The following LRBA variants were observed in gnomAD, a reference collection of about 807,000 sequenced individuals.
LRBA encodes LPS responsive beige-like anchor protein.
Under a neutral mutation model 330.0 loss-of-function variants are expected in LRBA, and 176 were observed. The observed-to-expected ratio is 0.53, with a 90% CI of 0.47 to 0.60. The LOEUF (loss-of-function observed/expected upper bound fraction) is 0.60, where lower values mean the gene tolerates loss of function less well. Ranked by LOEUF, LRBA falls within the 20% of genes least tolerant of loss-of-function variation. The probability of loss-of-function intolerance (pLI) is 0.00; values close to 1 mark genes in which losing one functional copy is unlikely to be tolerated. For synonymous variants in LRBA, 1,230 were observed against 1,193.0 expected (o/e 1.03, Z -0.64); for missense variants, 3,259 against 3,444.8 (o/e 0.95, Z 1.35).
At chr4:150,661,080 A>T (rs1368441245) in intron 37 of LRBA, among the ~76,000 whole-genome samples, 122 of 10,574 alleles carry the variant, frequency 0.012, 1 homozygote, top group East Asian at 0.04. Context: ...AAATAAATTA[A>T]AAAAAAAAAA....
chr4:150,461,327 T>C (rs1402064489), intron 44 of LRBA, among the ~76,000 whole-genome samples: 4 of 151,804 alleles, frequency 2.6e-5, no homozygotes, highest in African/African-American at 7.2e-5. Context: ...TTAAGAAATA[T>C]GTTACTTTAA....
chr4:150,844,194 A>G lies in LRBA; in HGVS notation c.4475T>C (p.Ile1492Thr). 1.3e-6 allele frequency: 2 copies of G among 1,596,436 alleles called. No homozygotes were observed. The highest frequency in any genetic ancestry group is 2.2e-5 in the South Asian group (2 of 90,024). Residue 1492 changes from isoleucine to threonine, a missense_variant, in exon 28 of 57, where the codon ATT becomes ACT. Ile to Thr is a moderately conservative substitution (Grantham distance 89). Coordinates refer to ENST00000651943, the MANE Select transcript of LRBA (RefSeq NM_001364905.1). ...GKSAAKSPVD[I>T]VTGGISPVRD... Reference sequence around the variant, plus strand: ...TACTGGAGATATACCGCCAGTCACAATGTCCACTGGGCTCTATTTAAGATT... The same window carrying G: ...TACTGGAGATATACCGCCAGTCACAGTGTCCACTGGGCTCTATTTAAGATT...
chr4:150,700,758 CTT>C (rs35721808), intron 36 of LRBA, among the ~76,000 whole-genome samples: 95 of 141,886 alleles, frequency 6.7e-4, no homozygotes, highest in East Asian at 1.0e-3. Flanking sequence ...CTATAATTTC[CTT>C]TTTTTTTTTT....
chr4:150,690,469 C>T (rs1476363816), intron 36 of LRBA, among the ~76,000 whole-genome samples: 1 of 148,370 alleles, frequency 6.7e-6, no homozygotes, highest in Non-Finnish European at 1.5e-5. Flanking sequence ...CGCCACTGCA[C>T]TCCAGCCTGG....
intron 38 of LRBA, among the ~76,000 whole-genome samples, chr4:150,598,454 T>C (rs940138829): frequency 6.6e-6 from 1 of 152,156 alleles, no homozygotes; most frequent in Non-Finnish European, 1.5e-5. Context: ...CAAAATAATA[T>C]AGAATAGGAA....
At chr4:150,705,833 ATGTCATAC>A (rs1785564656) in intron 36 of LRBA, among the ~76,000 whole-genome samples, 1 of 152,034 alleles carries the variant, frequency 6.6e-6, no homozygotes, top group Non-Finnish European at 1.5e-5. Context: ...ATCAAAGGCT[ATGTCATAC>A]TTAGTAGGGA....
chr4:150,804,711 G>A (rs1453935536), intron 33 of LRBA, among the ~76,000 whole-genome samples: 1 of 152,020 alleles, frequency 6.6e-6, no homozygotes, highest in Non-Finnish European at 1.5e-5. Flanking sequence ...TCAATCACGG[G>A]CCCAAAAAAA....
At chr4:150,563,929 G>A (rs1244526994) in intron 40 of LRBA, among the ~76,000 whole-genome samples, 1 of 152,132 alleles carries the variant, frequency 6.6e-6, no homozygotes, top group South Asian at 2.1e-4. Context: ...TGGATAGGAA[G>A]AATCAATATC....
At chr4:150,873,597 A>AC (rs201083679) in intron 17 of LRBA, among the ~76,000 whole-genome samples, 2,174 of 152,196 alleles carry the variant, frequency 0.014, 53 homozygotes, top group African/African-American at 0.048. Flanking sequence ...CTCAAAAAAA[A>AC]AAACAAACAA....
chr4:150,587,239 C>G (rs753168455), intron 40 of LRBA, among the ~76,000 whole-genome samples: 1 of 152,098 alleles, frequency 6.6e-6, no homozygotes. Flanking sequence ...ATCAAAGAAC[C>G]TACCAAAAAA....
intron 36 of LRBA, among the ~76,000 whole-genome samples, chr4:150,707,073 A>C (rs1785699721): frequency 6.6e-6 from 1 of 151,774 alleles, no homozygotes; most frequent in Admixed American, 6.6e-5. Flanking sequence ...ATACAAAGAA[A>C]GATAGGAATA....
intron 17 of LRBA, among the ~76,000 whole-genome samples, chr4:150,887,724 G>A (rs1284721180): frequency 1.4e-5 from 2 of 146,624 alleles, no homozygotes; most frequent in Admixed American, 6.9e-5. Context: ...AGCCAAGATC[G>A]GGCCACTGCA....
chr4:150,402,451 T>C (rs1273880782), intron 47 of LRBA, among the ~76,000 whole-genome samples: 1 of 152,164 alleles, frequency 6.6e-6, no homozygotes, highest in East Asian at 1.9e-4. Flanking sequence ...ATTTAAGCTA[T>C]AGAAATTCTA....
chr4:150,954,575 G>C (rs1374788521), intron 2 of LRBA, among the ~76,000 whole-genome samples: 4 of 150,298 alleles, frequency 2.7e-5, no homozygotes, highest in African/African-American at 5.0e-5. Flanking sequence ...CAGCATACTC[G>C]TTAAGAGTCA....
intron 22 of LRBA, among the ~76,000 whole-genome samples, chr4:150,861,944 G>A (rs1219549941): frequency 6.6e-6 from 1 of 150,472 alleles, no homozygotes; most frequent in Non-Finnish European, 1.5e-5. Flanking sequence ...TTACACCACT[G>A]CACTCCAGCC....
At chr4:150,763,558 A>T (rs1210749984) in intron 34 of LRBA, among the ~76,000 whole-genome samples, 2 of 152,050 alleles carry the variant, frequency 1.3e-5, no homozygotes, top group African/African-American at 2.4e-5. Flanking sequence ...GAAGACAAGT[A>T]GTCCAAAAGG....
intron 2 of LRBA, among the ~76,000 whole-genome samples, chr4:150,999,133 G>A (rs548931528): frequency 2.0e-4 from 31 of 152,216 alleles, no homozygotes; most frequent in East Asian, 1.7e-3. Flanking sequence ...GAAAATCCCC[G>A]AGCCTAAAGT....
In LRBA at chr4:150,906,319, A is replaced by T. The variant is rs1367542534; in HGVS notation, c.1580T>A (p.Val527Glu). The T allele has an allele frequency of 3.7e-6, 6 of 1,603,970 alleles. No homozygotes were observed. The highest frequency in any genetic ancestry group is 5.1e-6 in the Non-Finnish European group (6 of 1,171,348). ...TACCTTTTCAAGGCTATATCCTATT[A>T]CCAAGAAGCCCTTACAGGCAAGCAT... ...EQMLACKGFL[V>E]IGYSLEKSSK... The change falls in exon 12 of 57, where the codon GTA becomes GAA. Residue 527 changes from valine to glutamate, a missense_variant. Physicochemically the swap from Val to Glu is moderately radical, Grantham distance 121. Coordinates refer to ENST00000651943, the MANE Select transcript of LRBA (RefSeq NM_001364905.1).
chr4:150,352,814 G>A (rs893235612), intron 47 of LRBA, among the ~76,000 whole-genome samples: 9 of 152,166 alleles, frequency 5.9e-5, no homozygotes, highest in Non-Finnish European at 2.9e-5. Context: ...TAATTTGTGT[G>A]CAGTGCACTC....
Sources: gnomAD v4.1 joint callset for allele counts (sites outside exome capture counted in the v4.1 genomes callset) on GRCh38, gnomAD v4.1.1 for gene constraint, MANE v1.5 for transcripts, NCBI Gene and HGNC (gene_info 2026-07-23, HGNC 2026-07-21) for gene names.